Variants in KCNAB2 observed in about 807,000 individuals in gnomAD.
KCNAB2 encodes the protein potassium voltage-gated channel subfamily A regulatory beta subunit 2, also known as voltage-gated potassium channel subunit beta-2.
In KCNAB2, 29 loss-of-function variants were observed where a neutral mutation model predicts 63.6. The observed-to-expected ratio is 0.46, with a 90% CI of 0.34 to 0.62. The LOEUF is 0.62. KCNAB2 is among the 20% of genes least tolerant of loss of function. The probability of loss-of-function intolerance (pLI) is 0.01; values close to 1 mark genes in which losing one functional copy is unlikely to be tolerated. For synonymous variants in KCNAB2, 222 were observed against 224.2 expected, an observed-to-expected ratio of 0.99 and a Z score of 0.09; for missense variants, 359 against 563.9, an observed-to-expected ratio of 0.64 and a Z score of 3.68.
intron 1 of KCNAB2, chr1:5,996,095 T>C (rs1296002183): frequency 6.6e-6 from 1 of 152,272 alleles, no homozygotes; most frequent in African/African-American, 2.4e-5. Flanking sequence ...GTGAGTCTAT[T>C]AAGGGATACA....
intron 1 of KCNAB2, among the ~76,000 whole-genome samples, chr1:6,005,556 C>G (rs1200488929): frequency 6.6e-6 from 1 of 151,896 alleles, no homozygotes; most frequent in Non-Finnish European, 1.5e-5. Context: ...CCCCTACCCC[C>G]CATGAGTAGG....
intron 1 of KCNAB2, among the ~76,000 whole-genome samples, chr1:6,016,983 C>T (rs1157513460): frequency 6.6e-6 from 1 of 152,138 alleles, no homozygotes; most frequent in Non-Finnish European, 1.5e-5. Flanking sequence ...CCAGAGTTGG[C>T]TGGAAAGTCA....
rs957229393 is a variant in KCNAB2 at position 6,069,085 on chromosome 1, G to A, written c.219-3670G>A. 5.3e-5 allele frequency among the ~76,000 whole-genome samples: 8 copies of A among 152,290 alleles called. No individual in the cohort carries two copies. Among genetic ancestry groups the A allele is most frequent in the African/African-American group, 1.9e-4 (8 of 41,580 alleles). ...AAGCACTCCCTGGGACCCTGCCACT[G>A]CCAGCTCCAATTAGAAGACAAAGAC... On this transcript the variant is annotated intron_variant, in intron 2 of 15. Transcript: ENST00000378083. The surrounding 1 kb of genome is among the most constrained non-coding windows in gnomAD (Gnocchi z 5.4).
Position 6,085,200 on chromosome 1 carries a change from G to A in KCNAB2, c.381-4G>A. On this transcript the variant is annotated splice_region_variant and splice_polypyrimidine_tract_variant and intron_variant, in intron 5 of 15. Coordinates refer to ENST00000378083, the MANE Select transcript of KCNAB2 (RefSeq NM_001199862.2). Reference sequence around the variant, plus strand: ...TGATGAGAGCTCGGTGTCTTGTTTTGCAGGGCTGAAGTGGTACTGGGAAAC... The same window carrying A: ...TGATGAGAGCTCGGTGTCTTGTTTTACAGGGCTGAAGTGGTACTGGGAAAC... 6.2e-7 allele frequency: 1 copy of A among 1,613,960 alleles called. No homozygotes were observed. Among genetic ancestry groups the A allele is most frequent in the Middle Eastern group, 1.7e-4 (1 of 6,060 alleles).
At chr1:6,012,903 C>T (rs1658274658) in intron 1 of KCNAB2, among the ~76,000 whole-genome samples, 1 of 152,056 alleles carries the variant, frequency 6.6e-6, no homozygotes, top group African/African-American at 2.4e-5. Flanking sequence ...GCTCTCCACA[C>T]ACGCCCTGTG....
rs1241205623 is a variant in KCNAB2 at position 6,085,337 on chromosome 1, C to G, written c.425+89C>G. 2.6e-6 allele frequency: 3 copies of G among 1,136,130 alleles called. No homozygotes were observed. In the Admixed American group the frequency reaches 5.3e-5, roughly 20 times the overall value. The allele number at this position is 1,136,130 out of a possible 1,614,324, so 70.4% of individuals were successfully genotyped here. A position where few individuals can be genotyped will look rare whatever the true frequency, so the allele number is the denominator to read the frequency against. Reference sequence around the variant, plus strand: ...GCCTCGTCGGCCTGTCGTGCAGTGTCGTAAGGCCCGCAAGTCCCCACATCT... The same window carrying G: ...GCCTCGTCGGCCTGTCGTGCAGTGTGGTAAGGCCCGCAAGTCCCCACATCT... On this transcript the variant is annotated intron_variant, in intron 6 of 15. Coordinates refer to ENST00000378083, the MANE Select transcript of KCNAB2 (RefSeq NM_001199862.2).
intron 1 of KCNAB2, among the ~76,000 whole-genome samples, chr1:6,027,103 C>T (rs1411727629): frequency 6.6e-6 from 1 of 152,194 alleles, no homozygotes; most frequent in Non-Finnish European, 1.5e-5. Context: ...GCAAGGGGCT[C>T]CCTGGTGATG....
At chr1:6,082,151 C>T (rs1467002496) in intron 4 of KCNAB2, 44 bp from the exon 5 acceptor site, 1 of 1,556,620 alleles carries the variant, frequency 6.4e-7, no homozygotes, top group Non-Finnish European at 8.9e-7. Context: ...AGCCTCTGGG[C>T]CCCACCCCCG....
At chr1:6,012,663 AAGGTGG>A (rs1368899184) in intron 1 of KCNAB2, among the ~76,000 whole-genome samples, 10 of 133,842 alleles carry the variant, frequency 7.5e-5, no homozygotes, top group Non-Finnish European at 1.4e-4. Context: ...GGAGGTGATG[AAGGTGG>A]AGGTGGAGAT....
chr1:6,048,835 G>A (rs963151420), intron 1 of KCNAB2, among the ~76,000 whole-genome samples: 12 of 152,326 alleles, frequency 7.9e-5, no homozygotes, highest in Non-Finnish European at 1.3e-4. Flanking sequence ...CCTGCCACGC[G>A]CATGGAGGGA....
chr1:6,099,752 G>A lies in KCNAB2; in HGVS notation c.*1178G>A. On this transcript the variant is annotated 3_prime_UTR_variant, in exon 16 of 16. Coordinates refer to ENST00000378083, the MANE Select transcript of KCNAB2 (RefSeq NM_001199862.2). ...CCCACAATGTAGGAAAAGACCTCAG[G>A]GAACCTCTCCCTGGAAAGACGGGCA... 1 of 1,456,084 alleles carries A rather than the reference G, an allele frequency of 6.9e-7. No individual in the cohort carries two copies. The highest frequency in any genetic ancestry group is 9.1e-7 in the Non-Finnish European group (1 of 1,102,906). 90.2% of individuals were successfully genotyped at this position (1,456,084 alleles called of 1,614,324 possible). A position where few individuals can be genotyped will look rare whatever the true frequency, so the allele number is the denominator to read the frequency against.
At chr1:6,041,954 G>A, upstream of KCNAB2, 3 of 1,251,820 alleles carry the variant, frequency 2.4e-6, no homozygotes, top group East Asian at 6.9e-5. Flanking sequence ...TGCCGAGCAG[G>A]GTGTGCTGGT....
intron 1 of KCNAB2, among the ~76,000 whole-genome samples, chr1:6,008,295 G>A (rs920413234): frequency 6.6e-6 from 1 of 152,088 alleles, no homozygotes; most frequent in African/African-American, 2.4e-5. Context: ...ATCCAGGACA[G>A]GCTTCCCTCG....
Position 6,087,658 on chromosome 1 carries a change from C to A in KCNAB2, c.470+147C>A. 1.2e-6 allele frequency: 1 copy of A among 804,102 alleles called. No individual in the cohort carries two copies. The highest frequency in any genetic ancestry group is 2.0e-6 in the Non-Finnish European group (1 of 488,820). The allele number at this position is 804,102 out of a possible 1,614,324, so 49.8% of individuals were successfully genotyped here. On this transcript the variant is annotated intron_variant, in intron 7 of 15. Coordinates refer to ENST00000378083, the MANE Select transcript of KCNAB2 (RefSeq NM_001199862.2). This position sits in a 1 kb window ranked among gnomAD's most constrained non-coding sequence, Gnocchi z 6.4. ...GAGAGTGGTCGGGGTCTGTCCTGGACAGGCCCCGGCCCAGTGCCATTTCCT... is the reference window on the plus strand; with the variant it reads ...GAGAGTGGTCGGGGTCTGTCCTGGAAAGGCCCCGGCCCAGTGCCATTTCCT...
In KCNAB2 at chr1:6,099,623, G is replaced by A. The variant is rs1279710913; in HGVS notation, c.*1049G>A. 3 of 840,444 alleles carry A rather than the reference G, an allele frequency of 3.6e-6. No homozygotes were observed. Among genetic ancestry groups the A allele is most frequent in the Non-Finnish European group, 3.5e-6 (2 of 573,926 alleles). 52.1% of individuals were successfully genotyped at this position (840,444 alleles called of 1,614,324 possible). ...CCAGGCCGCTGCTCTGCACCGAGCT[G>A]GTGGGCTTGGGTTTTGTGGAGCGCA... On this transcript the variant is annotated 3_prime_UTR_variant, in exon 16 of 16. Transcript: ENST00000378083.
chr1:6,040,907 C>T (rs1451416640), upstream of KCNAB2, among the ~76,000 whole-genome samples: 2 of 152,264 alleles, frequency 1.3e-5, no homozygotes, highest in African/African-American at 4.8e-5. Context: ...TTTCTTGTCC[C>T]TGACCCTTCC....
chr1:6,083,361 G>A (rs530645484), intron 5 of KCNAB2, among the ~76,000 whole-genome samples: 7 of 152,344 alleles, frequency 4.6e-5, no homozygotes, highest in Non-Finnish European at 1.0e-4. Flanking sequence ...GCAGCTCCGT[G>A]CAGCCTCCGT....
chr1:6,051,486 G>A, intron 1 of KCNAB2, 25 bp from the exon 2 acceptor site: 1 of 1,472,410 alleles, frequency 6.8e-7, no homozygotes, highest in African/African-American at 1.4e-5. Context: ...TTGGCACACT[G>A]TCTAACTCAT....
At position 6,003,314 on chromosome 1, in the gene KCNAB2, C is replaced by T. The variant is rs189563848; in HGVS notation, c.-53+10526C>T. On this transcript the variant is annotated intron_variant, in intron 1 of 16. Transcript: ENST00000341524. The surrounding 1 kb of genome is among the most constrained non-coding windows in gnomAD (Gnocchi z 4.1). ...TGGAACTTGCTTTCCCTGCTTCCCA[C>T]ACACAGATCCTCCCCACCAGAGCAG... is the stretch of plus-strand genomic sequence containing the variant. 1.3e-5 allele frequency among the ~76,000 whole-genome samples: 2 copies of T among 152,346 alleles called. No individual in the cohort carries two copies. The highest frequency in any genetic ancestry group is 2.4e-5 in the African/African-American group (1 of 41,588).
Sources: gnomAD v4.1 joint callset for allele counts (sites outside exome capture counted in the v4.1 genomes callset) on GRCh38, gnomAD v4.1.1 for gene constraint, Gnocchi (gnomAD v3.1) non-coding constraint, MANE v1.5 for transcripts, NCBI Gene and HGNC (gene_info 2026-07-23, HGNC 2026-07-21) for gene names.